TCF23: variants seen among roughly 807,000 people sequenced by gnomAD.
The protein encoded by TCF23 is class A basic helix-loop-helix protein 24.
TCF23 carries 7 observed loss-of-function variants against 13.0 expected under a neutral mutation model. The observed-to-expected ratio is 0.54, with a 90% CI of 0.31 to 1.01. The LOEUF is 1.01. Among genes scored for constraint, TCF23 ranks in the 50% least tolerant of loss-of-function variants. The pLI, the probability that TCF23 is intolerant of heterozygous loss-of-function variation, is 0.06. For missense variants in TCF23, 257 were observed against 289.8 expected (o/e 0.89, Z 0.82); for synonymous variants, 122 against 119.5 (o/e 1.02, Z -0.14).
chr2:27,155,345 T>G lies in TCF23; in HGVS notation c.*2478T>G, dbSNP rs1470239085. 1 of 152,322 alleles carries G rather than the reference T, an allele frequency of 6.6e-6. No homozygotes were observed. The highest frequency in any genetic ancestry group is 1.5e-5 in the Non-Finnish European group (1 of 68,116). 9.4% of individuals were successfully genotyped at this position (152,322 alleles called of 1,614,324 possible). On this transcript the variant is annotated 3_prime_UTR_variant, in exon 3 of 3. Transcript: ENST00000296096. ...GGATGGGAATAACCAGAGGATGGACTGGGCCCTCCCTCCCTGACAAGCACA... is the reference window on the plus strand; with the variant it reads ...GGATGGGAATAACCAGAGGATGGACGGGGCCCTCCCTCCCTGACAAGCACA...
In TCF23 at chr2:27,154,092, A is replaced by T. The variant is rs1212049961; in HGVS notation, c.*1225A>T. 6.6e-6 allele frequency: 1 copy of T among 152,236 alleles called. No individual in the cohort carries two copies. The highest frequency in any genetic ancestry group is 1.5e-5 in the Non-Finnish European group (1 of 68,044). 9.4% of individuals were successfully genotyped at this position (152,236 alleles called of 1,614,324 possible). Reference sequence around the variant, plus strand: ...AGCTCCCTAGGGCCGGCTCCGCCTCATGGAGATCGTCCTTGGGGGCTTTCT... The same window carrying T: ...AGCTCCCTAGGGCCGGCTCCGCCTCTTGGAGATCGTCCTTGGGGGCTTTCT... On this transcript the variant is annotated 3_prime_UTR_variant, in exon 3 of 3. Coordinates refer to ENST00000296096, the MANE Select transcript of TCF23 (RefSeq NM_175769.3).
intron 2 of TCF23, among the ~76,000 whole-genome samples, chr2:27,152,276 C>T (rs1558488146): frequency 6.6e-6 from 1 of 152,232 alleles, no homozygotes; most frequent in African/African-American, 2.4e-5. Context: ...GGGCAATCAA[C>T]CTGGTGTATT....
rs1008080281 is a variant in TCF23, at chr2:27,150,965, C to G, written c.465+600C>G. ...TGAGCCTTACTTCTCTTCCAGAGTA[C>G]AAAATGGAAAGTCTAATGAACATTA... On this transcript the variant is annotated intron_variant, in intron 2 of 2. Transcript: ENST00000296096. The surrounding 1 kb of genome is among the most constrained non-coding windows in gnomAD (Gnocchi z 4.1). Among the ~76,000 whole-genome samples the G allele has an allele frequency of 3.3e-5, 5 of 152,292 alleles. No individual in the cohort carries two copies. The East Asian group carries it at 9.6e-4, about 29-fold the overall frequency.
rs2148431953 is a variant in TCF23 at position 27,156,903 on chromosome 2, A to G, written c.*4036A>G. 1 of 152,442 alleles carries G rather than the reference A, an allele frequency of 6.6e-6. No homozygotes were observed. Among genetic ancestry groups the G allele is most frequent in the South Asian group, 2.1e-4 (1 of 4,828 alleles). 9.4% of individuals were successfully genotyped at this position (152,442 alleles called of 1,614,324 possible). A position where few individuals can be genotyped will look rare whatever the true frequency, so the allele number is the denominator to read the frequency against. ...TTCTATTCTAGATCAAGGTAGGCAA[A>G]CTATGGCCAGTGGGCCAAACCCAGC... On this transcript the variant is annotated 3_prime_UTR_variant, in exon 3 of 3. Transcript: ENST00000296096.
chr2:27,151,853 C>G (rs909955835), intron 2 of TCF23, among the ~76,000 whole-genome samples: 4 of 151,054 alleles, frequency 2.6e-5, no homozygotes, highest in African/African-American at 9.8e-5. Context: ...GTTCCACAGG[C>G]TTGTCTCAAA....
chr2:27,152,375 T>C (rs1364207973), intron 2 of TCF23, among the ~76,000 whole-genome samples: 1 of 152,266 alleles, frequency 6.6e-6, no homozygotes, highest in Non-Finnish European at 1.5e-5. Context: ...CTCTGCCCAT[T>C]GCTCAGCCTC....
Position 27,149,239 on chromosome 2 carries a change from C to A in TCF23, c.106C>A (p.Arg36Ser). 1.3e-6 allele frequency: 2 copies of A among 1,572,578 alleles called. No homozygotes were observed. Among genetic ancestry groups the A allele is most frequent in the Non-Finnish European group, 1.7e-6 (2 of 1,159,080 alleles). The change falls in exon 1 of 3, where the codon CGC becomes AGC. Residue 36 changes from arginine (R) to serine (S), a missense_variant. Coordinates refer to ENST00000296096, the MANE Select transcript of TCF23 (RefSeq NM_175769.3). ...LLPGADRKRS[R>S]LSRTRQDPWE... Reference sequence around the variant, plus strand: ...GCCAGGCGCTGACAGGAAGAGGAGCCGCCTCAGCAGGACAAGGCAGGACCC... The same window carrying A: ...GCCAGGCGCTGACAGGAAGAGGAGCAGCCTCAGCAGGACAAGGCAGGACCC...
In TCF23 at chr2:27,155,051, AG is replaced by A. The variant is rs973426957; in HGVS notation, c.*2188del. On this transcript the variant is annotated 3_prime_UTR_variant, in exon 3 of 3. Transcript: ENST00000296096. ...TTTGCCTAGTAACATTAGAGCCCTCAGGGGTGACCGCATGGCCCTGGTGTAG... is the reference window on the plus strand; with the variant it reads ...TTTGCCTAGTAACATTAGAGCCCTCAGGGTGACCGCATGGCCCTGGTGTAG... The A allele has an allele frequency of 6.6e-5, 10 of 152,418 alleles. No individual in the cohort carries two copies. The highest frequency in any genetic ancestry group is 2.2e-4 in the African/African-American group (9 of 41,452). 9.4% of individuals were successfully genotyped at this position (152,418 alleles called of 1,614,324 possible).
In TCF23 at chr2:27,150,514, G is replaced by C. The variant is rs1672747150; in HGVS notation, c.465+149G>C. On this transcript the variant is annotated intron_variant, in intron 2 of 2. Transcript: ENST00000296096. This position sits in a 1 kb window ranked among gnomAD's most constrained non-coding sequence, Gnocchi z 4.1. Reference sequence around the variant, plus strand: ...CCAATTTCTCCTGCTGTCTCAGAGGGAGAGGAGCCAAGGCTGACCCTTGGG... The same window carrying C: ...CCAATTTCTCCTGCTGTCTCAGAGGCAGAGGAGCCAAGGCTGACCCTTGGG... 3.6e-6 allele frequency: 5 copies of C among 1,401,902 alleles called. No homozygotes were observed. The highest frequency in any genetic ancestry group is 2.8e-5 in the South Asian group (2 of 72,578). 86.8% of individuals were successfully genotyped at this position (1,401,902 alleles called of 1,614,324 possible).
intron 1 of TCF23, 143 bp downstream of exon 1, chr2:27,149,498 C>T (rs768489227): frequency 2.5e-6 from 2 of 812,126 alleles, no homozygotes; most frequent in Non-Finnish European, 3.9e-6. Flanking sequence ...GACTCCAAGG[C>T]ATCATGCTTT....
rs1672813318 is a variant in TCF23 at position 27,154,880 on chromosome 2, CAGTT to C, written c.*2014_*2017del. On this transcript the variant is annotated 3_prime_UTR_variant, in exon 3 of 3. Coordinates refer to ENST00000296096, the MANE Select transcript of TCF23 (RefSeq NM_175769.3). ...AAGAGAAGCAGATACATTTCCTCCT[CAGTT>C]GGTGGCACACTTTCCTGGGGATGAA... The C allele has an allele frequency of 6.6e-6, 1 of 152,372 alleles. No homozygotes were observed. Among genetic ancestry groups the C allele is most frequent in the Non-Finnish European group, 1.5e-5 (1 of 68,176 alleles). The allele number at this position is 152,372 out of a possible 1,614,324, so 9.4% of individuals were successfully genotyped here.
rs1672739253 is a variant in TCF23 at position 27,150,182 on chromosome 2, G to A, written c.282G>A (p.Gln94=). ...GGAGCCGGGTCAGGACGCTGCGCCA[G>A]GCCTTCTTGGCCTTGCAGGCTGCTC... ...RERSRVRTLR[Q]AFLALQAALP... Residue 94 remains glutamine (Q), a synonymous_variant, in exon 2 of 3, where the codon CAG becomes CAA. Coordinates refer to ENST00000296096, the MANE Select transcript of TCF23 (RefSeq NM_175769.3). This position sits in a 1 kb window ranked among gnomAD's most constrained non-coding sequence, Gnocchi z 4.1. 4.3e-6 allele frequency: 7 copies of A among 1,612,130 alleles called. No homozygotes were observed. Among genetic ancestry groups the A allele is most frequent in the Non-Finnish European group, 5.9e-6 (7 of 1,179,898 alleles).
intron 2 of TCF23, among the ~76,000 whole-genome samples, chr2:27,151,126 G>A (rs1255888991): frequency 1.3e-5 from 2 of 152,140 alleles, no homozygotes; most frequent in African/African-American, 4.8e-5. Flanking sequence ...GGAAACTGAA[G>A]CTTAGGGAGG....
chr2:27,153,512 T>TTTCTTTTCTTTTCTTTTCTC lies in TCF23; in HGVS notation c.*664_*665insCTTCTTTTCTTTTCTTTTCT, dbSNP rs1672794074. ...CTCGGCTCCTGCACTCTTCCACTCT[T>TTTCTTTTCTTTTCTTTTCTC]TTCTTTTCTTTTCTTTTCTTTTCGT... is the stretch of plus-strand genomic sequence containing the variant. On this transcript the variant is annotated 3_prime_UTR_variant, in exon 3 of 3. Coordinates refer to ENST00000296096, the MANE Select transcript of TCF23 (RefSeq NM_175769.3). The TTTCTTTTCTTTTCTTTTCTC allele has an allele frequency of 6.5e-6, 1 of 154,044 alleles. No individual in the cohort carries two copies. The highest frequency in any genetic ancestry group is 6.7e-5 in the Admixed American group (1 of 14,962). 9.5% of individuals were successfully genotyped at this position (154,044 alleles called of 1,614,324 possible). A position where few individuals can be genotyped will look rare whatever the true frequency, so the allele number is the denominator to read the frequency against.
chr2:27,149,493 C>A, intron 1 of TCF23, 138 bp downstream of exon 1: 4 of 828,092 alleles, frequency 4.8e-6, no homozygotes, highest in Admixed American at 2.5e-5. Flanking sequence ...CCTTAGACTC[C>A]AAGGCATCAT....
rs750145073 is a variant in TCF23 at position 27,154,561 on chromosome 2, G to A, written c.*1694G>A. The A allele has an allele frequency of 3.9e-5, 6 of 152,314 alleles. No individual in the cohort carries two copies. Among genetic ancestry groups the A allele is most frequent in the East Asian group, 1.9e-4 (1 of 5,194 alleles). 9.4% of individuals were successfully genotyped at this position (152,314 alleles called of 1,614,324 possible). A position where few individuals can be genotyped will look rare whatever the true frequency, so the allele number is the denominator to read the frequency against. ...AAGAGACACAGAACATCCCAGCCCC[G>A]AGCTGCCTGGGATGTGGGAGAACAG... On this transcript the variant is annotated 3_prime_UTR_variant, in exon 3 of 3. Coordinates refer to ENST00000296096, the MANE Select transcript of TCF23 (RefSeq NM_175769.3).
intron 2 of TCF23, 22 bp from the exon 3 acceptor site, chr2:27,152,666 C>T (rs746726218): frequency 7.5e-6 from 12 of 1,606,376 alleles, no homozygotes; most frequent in Non-Finnish European, 1.0e-5. Flanking sequence ...GCATTTCTCA[C>T]TTCCCAATCT....
rs1672816570 is a variant in TCF23 at position 27,155,102 on chromosome 2, C to CGCAGGTGGAGGGCT, written c.*2241_*2254dup. On this transcript the variant is annotated 3_prime_UTR_variant, in exon 3 of 3. Transcript: ENST00000296096. ...GACAAGGAGGGCACAGGAAGGATGA[C>CGCAGGTGGAGGGCT]GCAGGTGGAGGGCTGCAGGAGGCAG... The CGCAGGTGGAGGGCT allele has an allele frequency of 6.6e-6, 1 of 152,574 alleles. No homozygotes were observed. Among genetic ancestry groups the CGCAGGTGGAGGGCT allele is most frequent in the South Asian group, 2.1e-4 (1 of 4,828 alleles). 9.5% of individuals were successfully genotyped at this position (152,574 alleles called of 1,614,324 possible).
At position 27,150,069 on chromosome 2, in the gene TCF23, G is replaced by A; in HGVS notation, c.223-54G>A. ...ACCTTGTGCTCAAACGCTCTCAGAA[G>A]TCAGGGCAGTTGGGAGTCCAGGTCA... is the stretch of plus-strand genomic sequence containing the variant. On this transcript the variant is annotated intron_variant, in intron 1 of 2. Coordinates refer to ENST00000296096, the MANE Select transcript of TCF23 (RefSeq NM_175769.3). The surrounding 1 kb of genome is among the most constrained non-coding windows in gnomAD (Gnocchi z 4.1). 1 of 1,564,208 alleles carries A rather than the reference G, an allele frequency of 6.4e-7. No homozygotes were observed. The highest frequency in any genetic ancestry group is 2.3e-5 in the East Asian group (1 of 44,248).
Sources: gnomAD v4.1 joint callset for allele counts (sites outside exome capture counted in the v4.1 genomes callset) on GRCh38, gnomAD v4.1.1 for gene constraint, Gnocchi (gnomAD v3.1) non-coding constraint, MANE v1.5 for transcripts, NCBI Gene and HGNC (gene_info 2026-07-23, HGNC 2026-07-21) for gene names.